Variants in AMOT observed in about 807,000 individuals in gnomAD.
AMOT encodes angiomotin.
A neutral mutation model predicts 67.0 loss-of-function variants in AMOT; 11 were observed. The observed-to-expected ratio is 0.16, with a 90% confidence interval of 0.10 to 0.27. The LOEUF is 0.27. Ranked by LOEUF, AMOT falls within the 10% of genes least tolerant of loss-of-function variation. The probability of loss-of-function intolerance (pLI) is 1.00; values close to 1 mark genes in which losing one functional copy is unlikely to be tolerated. For synonymous variants in AMOT, 326 were observed against 321.4 expected (o/e 1.01, Z -0.15); for missense variants, 753 against 852.0 (o/e 0.88, Z 1.45).
At chrX:112,790,822 G>T in intron 9 of AMOT, 40 bp from the exon 10 acceptor site, 1 of 1,097,558 alleles carries the variant, frequency 9.1e-7, no homozygotes, top group South Asian at 2.5e-5. Context: ...GTTAGTGAGA[G>T]AAGAACCATG....
chrX:112,806,790 A>T (rs982391702), intron 7 of AMOT, among the ~76,000 whole-genome samples: 2 of 111,990 alleles, frequency 1.8e-5, no homozygotes, highest in African/African-American at 6.5e-5. Context: ...TTGTTCCAGT[A>T]CCCACAGCTA....
rs142934740 is a variant in AMOT at position 112,826,516 on chromosome X, T to C, written c.-211-1296A>G. On this transcript the variant is annotated intron_variant, in intron 2 of 13. Coordinates refer to ENST00000371959, the MANE Select transcript of AMOT (RefSeq NM_001113490.2). ...TCTCAAATCTGCAAGGTAATTATTT[T>C]AGGGTATCTCCCCTAATTTTGAAGC... is the stretch of plus-strand genomic sequence containing the variant. Among the ~76,000 whole-genome samples the C allele has an allele frequency of 1.5e-3, 171 of 112,409 alleles. 1 individual carries two copies. The highest frequency in any genetic ancestry group is 4.9e-3 in the African/African-American group (153 of 30,981).
chrX:112,816,726 A>G (rs1202141996), intron 4 of AMOT, among the ~76,000 whole-genome samples: 1 of 111,679 alleles, frequency 9.0e-6, no homozygotes, highest in Non-Finnish European at 1.9e-5. Flanking sequence ...TTCTTTCCCA[A>G]TTCCCATTTT....
chrX:112,800,709 C>G (rs1368959275), intron 8 of AMOT, among the ~76,000 whole-genome samples: 1 of 110,377 alleles, frequency 9.1e-6, no homozygotes, highest in East Asian at 2.8e-4. Flanking sequence ...AGTAAGAGAT[C>G]CAGAAAGAAG....
chrX:112,814,554 A>C (rs1443954521), intron 5 of AMOT, among the ~76,000 whole-genome samples: 1 of 111,479 alleles, frequency 9.0e-6, no homozygotes. Flanking sequence ...GAAGCGGCCA[A>C]AGGCATAACC....
At chrX:112,780,432 C>G (rs762209165) in intron 12 of AMOT, 37 of 138,863 alleles carry the variant, frequency 2.7e-4, no homozygotes, top group African/African-American at 1.1e-3. Flanking sequence ...ACTGTGGGAA[C>G]AAAACCTGCT....
intron 10 of AMOT, among the ~76,000 whole-genome samples, chrX:112,790,265 A>G (rs925737475): frequency 9.2e-6 from 1 of 108,979 alleles, no homozygotes; most frequent in Non-Finnish European, 1.9e-5. Context: ...CTGGGGCTAA[A>G]CAACCTGCAT....
intron 1 of AMOT, among the ~76,000 whole-genome samples, chrX:112,835,335 G>A (rs943662974): frequency 9.0e-6 from 1 of 110,968 alleles, no homozygotes; most frequent in Non-Finnish European, 1.9e-5. Context: ...GAGTGAAAGT[G>A]CCTTTACAAA....
At chrX:112,809,729 A>G (rs1219139220) in intron 7 of AMOT, among the ~76,000 whole-genome samples, 165 bp downstream of exon 7, 5 of 111,128 alleles carry the variant, frequency 4.5e-5, no homozygotes, top group Non-Finnish European at 9.4e-5. Context: ...TTAGGAGGAA[A>G]AGAACAGAAT....
intron 4 of AMOT, among the ~76,000 whole-genome samples, chrX:112,818,887 A>T (rs2147818482): frequency 9.0e-6 from 1 of 110,948 alleles, no homozygotes; most frequent in South Asian, 3.9e-4. Context: ...CAGACAACAG[A>T]ATCACATGAT....
intron 2 of AMOT, among the ~76,000 whole-genome samples, chrX:112,826,087 A>G (rs985485821): frequency 9.0e-6 from 1 of 111,493 alleles, no homozygotes; most frequent in Non-Finnish European, 1.9e-5. Flanking sequence ...CCTTATGTCT[A>G]ATTTCTGCCT....
intron 7 of AMOT, among the ~76,000 whole-genome samples, chrX:112,808,940 A>G (rs1206985787): frequency 8.9e-6 from 1 of 112,454 alleles, no homozygotes; most frequent in African/African-American, 3.2e-5. Flanking sequence ...AGCACAACAG[A>G]ACAACCCAGG....
At chrX:112,800,280 GAAAGA>G (rs891718568) in intron 8 of AMOT, among the ~76,000 whole-genome samples, 18 of 111,274 alleles carry the variant, frequency 1.6e-4, no homozygotes, top group Non-Finnish European at 3.0e-4. Flanking sequence ...ACAAAAGAAA[GAAAGA>G]AAAGAAAAGA....
intron 9 of AMOT, 49 bp from the exon 10 acceptor site, chrX:112,790,831 T>C (rs1933547282): frequency 9.4e-7 from 1 of 1,067,600 alleles, no homozygotes; most frequent in South Asian, 2.7e-5. Context: ...AGAAGAACCA[T>C]GGTGTCTGAG....
chrX:112,809,926 G>A lies in AMOT; in HGVS notation c.1598C>T (p.Thr533Ile). The change falls in exon 7 of 14, where the codon ACC becomes ATC. Residue 533 changes from threonine (T) to isoleucine (I), a missense_variant. Thr to Ile is a moderately conservative substitution (Grantham distance 89). This residue lies in a region of AMOT where 297 missense variants were observed against 284.3 expected (regional missense o/e 1.04). Transcript: ENST00000371959. The stretch of plus-strand genomic sequence containing the variant: ...AAAGAGCTGCGAGATGGTTTTTCTG[G>A]TGTCCTCTGACCCCTCATATTCCTT... ...AEKEYEGSED[T>I]RKTISQLFAK... The A allele has an allele frequency of 8.3e-7, 1 of 1,211,393 alleles. No homozygotes were observed. The highest frequency in any genetic ancestry group is 1.1e-6 in the Non-Finnish European group (1 of 895,374).
At chrX:112,794,085 C>T (rs1218999593) in intron 8 of AMOT, among the ~76,000 whole-genome samples, 1 of 112,218 alleles carries the variant, frequency 8.9e-6, no homozygotes, top group East Asian at 2.8e-4. Flanking sequence ...CTAAGGCTTG[C>T]AGCAGTTATA....
At position 112,815,664 on chromosome X, in the gene AMOT, G is replaced by A. The variant is rs1569402461; in HGVS notation, c.1086C>T (p.His362=). The change falls in exon 5 of 14, where the codon CAC becomes CAT. Residue 362 remains histidine (H), a synonymous_variant. Transcript: ENST00000371959. ...PQQHFLPNQA[H]QGDHYRLSQP... is the part of the protein sequence containing the mutation. ...GGGAGAGACGGTAATGATCCCCCTG[G>A]TGAGCCTGATTAGGAAGGAAATGCT... 2 of 1,180,876 alleles carry A rather than the reference G, an allele frequency of 1.7e-6. No homozygotes were observed. Among genetic ancestry groups the A allele is most frequent in the South Asian group, 1.9e-5 (1 of 54,006 alleles).
At chrX:112,788,156 GCACA>G (rs1933437776) in intron 10 of AMOT, among the ~76,000 whole-genome samples, 3 of 110,178 alleles carry the variant, frequency 2.7e-5, no homozygotes, top group African/African-American at 3.3e-5. Flanking sequence ...AGGCGTGGTG[GCACA>G]CGCCTATAGT....
At chrX:112,796,685 C>G (rs1023661023) in intron 8 of AMOT, among the ~76,000 whole-genome samples, 8 of 111,905 alleles carry the variant, frequency 7.1e-5, no homozygotes, top group African/African-American at 2.6e-4. Context: ...CCCTGACTCC[C>G]GCCTCCTACA....
Sources: allele counts gnomAD v4.1 joint callset (sites outside exome capture counted in the v4.1 genomes callset), GRCh38; gene constraint gnomAD v4.1.1; regional missense constraint gnomAD v4.1.1; transcripts MANE v1.5; gene names NCBI Gene and HGNC (gene_info 2026-07-23, HGNC 2026-07-21).